The following KLF13 variants were observed in gnomAD, a reference collection of about 807,000 sequenced individuals.
The protein encoded by KLF13 is KLF transcription factor 13, also known as Krueppel-like factor 13.
Under a neutral mutation model 16.7 loss-of-function variants are expected in KLF13, and 8 were observed. That is an observed-to-expected ratio of 0.48 (90% CI 0.28 to 0.87). The LOEUF is 0.87. KLF13 is among the 40% of genes least tolerant of loss of function. The pLI is 0.10. For synonymous variants in KLF13, 245 were observed against 208.4 expected (o/e 1.18, Z -1.51); for missense variants, 447 against 452.2 (o/e 0.99, Z 0.10).
Position 31,327,516 on chromosome 15 carries a change from G to C in KLF13, c.304G>C (p.Ala102Pro). Residue 102 changes from alanine to proline, a missense_variant, in exon 1 of 2, where the codon GCC becomes CCC. Transcript: ENST00000307145. The part of the protein sequence containing the change: ...ARTPCRLPPP[A>P]PEPTSPGAEG... ...GACCCCCTGCCGCCTGCCGCCGCCC[G>C]CCCCCGAGCCCACCTCCCCCGGCGC... The C allele has an allele frequency of 8.9e-7, 1 of 1,125,464 alleles. No individual in the cohort carries two copies. The highest frequency in any genetic ancestry group is 1.1e-6 in the Non-Finnish European group (1 of 920,856). The allele number at this position is 1,125,464 out of a possible 1,614,324, so 69.7% of individuals were successfully genotyped here.
intron 2 of KLF13, among the ~76,000 whole-genome samples, chr15:31,397,639 C>T (rs1282058770): frequency 6.6e-6 from 1 of 152,228 alleles, no homozygotes; most frequent in Admixed American, 6.5e-5. Context: ...GTTTCCCCAT[C>T]TATAAAATGA....
chr15:31,357,280 T>C (rs1478408107), intron 1 of KLF13, among the ~76,000 whole-genome samples: 7 of 145,436 alleles, frequency 4.8e-5, no homozygotes, highest in Non-Finnish European at 1.0e-4. Flanking sequence ...CTGGAAGTCT[T>C]CTCGTTGCGT....
chr15:31,348,259 C>T (rs570467530), intron 1 of KLF13, among the ~76,000 whole-genome samples: 12 of 152,174 alleles, frequency 7.9e-5, no homozygotes, highest in African/African-American at 2.4e-4. Context: ...GGAGCACAGG[C>T]GCCCCTCTTC....
chr15:31,391,603 GC>G (rs897584592), upstream of KLF13, among the ~76,000 whole-genome samples: 1 of 151,268 alleles, frequency 6.6e-6, no homozygotes, highest in Non-Finnish European at 1.5e-5. Context: ...CCCCCACCCC[GC>G]CCCCGCCCCC....
rs2140971302 is a variant in KLF13, at chr15:31,376,182, A to G, written c.*3883A>G. On this transcript the variant is annotated 3_prime_UTR_variant, in exon 2 of 2. Transcript: ENST00000307145. ...AAGATGGACTGCACAGGGTCCCGGC[A>G]CTCCCTCGGGACCCATTCAGGATCT... The G allele has an allele frequency of 6.6e-6, 1 of 152,568 alleles. No homozygotes were observed. The highest frequency in any genetic ancestry group is 1.9e-4 in the East Asian group (1 of 5,168). 9.5% of individuals were successfully genotyped at this position (152,568 alleles called of 1,614,324 possible).
At chr15:31,334,175 G>A (rs1391840645) in intron 1 of KLF13, among the ~76,000 whole-genome samples, 1 of 152,192 alleles carries the variant, frequency 6.6e-6, no homozygotes, top group Non-Finnish European at 1.5e-5. Flanking sequence ...AAACAGACAA[G>A]ACACCCTGAT....
At chr15:31,413,223 C>T (rs964512258) in intron 1 of KLF13, among the ~76,000 whole-genome samples, 2 of 148,542 alleles carry the variant, frequency 1.3e-5, no homozygotes, top group Non-Finnish European at 3.0e-5. Flanking sequence ...AAAAACCAGC[C>T]TCAGAGATAT....
chr15:31,340,179 G>A (rs1595456519), intron 1 of KLF13, among the ~76,000 whole-genome samples: 1 of 152,214 alleles, frequency 6.6e-6, no homozygotes, highest in Admixed American at 6.5e-5. Flanking sequence ...GTACCCAGTT[G>A]GGCTGGGCTG....
chr15:31,371,866 G>T, intron 1 of KLF13, 144 bp from the exon 2 acceptor site: 1 of 953,936 alleles, frequency 1.0e-6, no homozygotes, highest in East Asian at 2.6e-5. Context: ...TGCCTTGATG[G>T]ATTTGTCACA....
At chr15:31,383,576 G>C (rs1349721914) in intron 1 of KLF13, among the ~76,000 whole-genome samples, 1 of 152,198 alleles carries the variant, frequency 6.6e-6, no homozygotes, top group Non-Finnish European at 1.5e-5. Flanking sequence ...TGTCACATAA[G>C]AACAACATTA....
intron 1 of KLF13, among the ~76,000 whole-genome samples, chr15:31,410,794 G>GA (rs2040184884): frequency 6.6e-6 from 1 of 152,054 alleles, no homozygotes; most frequent in African/African-American, 2.4e-5. Flanking sequence ...GAACTGAAGG[G>GA]AAAAATGAAC....
intron 1 of KLF13, among the ~76,000 whole-genome samples, chr15:31,356,637 T>C (rs1242739176): frequency 3.3e-5 from 5 of 152,368 alleles, no homozygotes; most frequent in African/African-American, 1.2e-4. Context: ...GTTTTAAGGC[T>C]TATATGTCTG....
chr15:31,405,683 TGA>T (rs2040119043), downstream of KLF13, among the ~76,000 whole-genome samples: 1 of 152,192 alleles, frequency 6.6e-6, no homozygotes, highest in Admixed American at 6.5e-5. Context: ...CTGCCAGGTG[TGA>T]CTCACCCGAC....
intron 1 of KLF13, among the ~76,000 whole-genome samples, chr15:31,387,267 T>A (rs4779523): frequency 0.37 from 55,595 of 151,966 alleles, 11,117 homozygotes; most frequent in African/African-American, 0.52. Context: ...TGTTGTCTTA[T>A]TTGAAGAAAT....
At chr15:31,416,129 G>A (rs2040255579) in intron 1 of KLF13, among the ~76,000 whole-genome samples, 1 of 151,962 alleles carries the variant, frequency 6.6e-6, no homozygotes, top group African/African-American at 2.4e-5. Context: ...GATTACACAA[G>A]AAATAAACAA....
At chr15:31,381,323 A>G (rs2039723955), downstream of KLF13, among the ~76,000 whole-genome samples, 1 of 152,180 alleles carries the variant, frequency 6.6e-6, no homozygotes. Flanking sequence ...TCCAGGTGTC[A>G]TCAGGGCTGC....
At chr15:31,342,956 C>G (rs1169391398) in intron 1 of KLF13, among the ~76,000 whole-genome samples, 1 of 152,248 alleles carries the variant, frequency 6.6e-6, no homozygotes, top group Non-Finnish European at 1.5e-5. Flanking sequence ...CTCCCGGCGT[C>G]TGATTGCTCC....
intron 1 of KLF13, among the ~76,000 whole-genome samples, chr15:31,412,543 C>G (rs1736031576): frequency 6.6e-6 from 1 of 151,618 alleles, no homozygotes; most frequent in South Asian, 2.1e-4. Flanking sequence ...GTTTAATAAA[C>G]AAAAATTAAT....
chr15:31,378,169 C>T (rs915453552), downstream of KLF13, among the ~76,000 whole-genome samples: 24 of 152,272 alleles, frequency 1.6e-4, no homozygotes, highest in South Asian at 4.1e-4. Flanking sequence ...CGGAGGAGAA[C>T]GGGATGTGGT....
Sources: allele counts gnomAD v4.1 joint callset (sites outside exome capture counted in the v4.1 genomes callset), GRCh38; gene constraint gnomAD v4.1.1; transcripts MANE v1.5; gene names NCBI Gene and HGNC (gene_info 2026-07-23, HGNC 2026-07-21).